Variants in RASGRF2 observed in about 807,000 individuals in gnomAD.
The protein encoded by RASGRF2 is Ras protein specific guanine nucleotide releasing factor 2.
In RASGRF2, 76 loss-of-function variants were observed where a neutral mutation model predicts 151.0. The observed-to-expected ratio is 0.50, with a 90% confidence interval of 0.42 to 0.61. The LOEUF (loss-of-function observed/expected upper bound fraction) is 0.61. Among genes scored for constraint, RASGRF2 ranks in the 20% least tolerant of loss-of-function variants. The probability of loss-of-function intolerance (pLI) is 0.00; values close to 1 mark genes in which losing one functional copy is unlikely to be tolerated. For synonymous variants in RASGRF2, 504 were observed against 566.5 expected (o/e 0.89, Z 1.57); for missense variants, 1,148 against 1,564.6 (o/e 0.73, Z 4.49).
intron 1 of RASGRF2, among the ~76,000 whole-genome samples, chr5:81,021,563 T>C (rs1170571093): frequency 1.3e-5 from 2 of 150,554 alleles, no homozygotes; most frequent in East Asian, 3.9e-4. Context: ...TGCGAGCGTG[T>C]GTGTGTGTGT....
intron 1 of RASGRF2, among the ~76,000 whole-genome samples, chr5:81,020,193 G>A (rs1213374266): frequency 6.6e-6 from 1 of 152,188 alleles, no homozygotes; most frequent in Non-Finnish European, 1.5e-5. Flanking sequence ...GTAGATAAGA[G>A]GAAGAGTCTT....
chr5:81,193,987 A>G (rs888252238), intron 18 of RASGRF2, among the ~76,000 whole-genome samples: 2 of 152,154 alleles, frequency 1.3e-5, no homozygotes, highest in African/African-American at 2.4e-5. Context: ...CATATGCAAA[A>G]TGGAAATCAT....
intron 18 of RASGRF2, among the ~76,000 whole-genome samples, chr5:81,180,566 C>G (rs992693518): frequency 2.6e-5 from 4 of 152,158 alleles, no homozygotes; most frequent in Non-Finnish European, 4.4e-5. Flanking sequence ...GGCACCTGAG[C>G]CACAACAAGG....
At chr5:81,036,820 G>A (rs1020382334) in intron 1 of RASGRF2, among the ~76,000 whole-genome samples, 1 of 152,054 alleles carries the variant, frequency 6.6e-6, no homozygotes, top group African/African-American at 2.4e-5. Context: ...CTGACCCTCT[G>A]TATTTCTATT....
chr5:81,024,787 T>C (rs1442564401), intron 1 of RASGRF2, among the ~76,000 whole-genome samples: 3 of 152,212 alleles, frequency 2.0e-5, no homozygotes, highest in African/African-American at 4.8e-5. Flanking sequence ...TGTAATACAA[T>C]AAAAAGTTCT....
At chr5:81,198,928 C>T (rs1755329560) in intron 18 of RASGRF2, among the ~76,000 whole-genome samples, 1 of 152,168 alleles carries the variant, frequency 6.6e-6, no homozygotes, top group Non-Finnish European at 1.5e-5. Context: ...GGTATATACC[C>T]AGGGATTGCT....
At chr5:80,964,148 T>C (rs1747654243) in intron 1 of RASGRF2, among the ~76,000 whole-genome samples, 1 of 152,184 alleles carries the variant, frequency 6.6e-6, no homozygotes, top group Non-Finnish European at 1.5e-5. Flanking sequence ...GATGAGTCTT[T>C]GGAGGATTGC....
At chr5:81,080,288 G>A in intron 6 of RASGRF2, 88 bp downstream of exon 6, 1 of 1,540,124 alleles carries the variant, frequency 6.5e-7, no homozygotes, top group Admixed American at 2.3e-5. Context: ...AGCCTAAACT[G>A]TTTGCATCAC....
intron 25 of RASGRF2, 41 bp downstream of exon 25, chr5:81,217,514 G>T: frequency 7.3e-7 from 1 of 1,378,414 alleles, no homozygotes; most frequent in Non-Finnish European, 9.7e-7. Context: ...AATGGCTTTA[G>T]AGGTTTATAG....
intron 23 of RASGRF2, among the ~76,000 whole-genome samples, chr5:81,215,237 TA>T (rs1320623278): frequency 2.0e-5 from 3 of 151,094 alleles, no homozygotes; most frequent in African/African-American, 7.3e-5. Flanking sequence ...TTGTCAAAAA[TA>T]ATTGACAAGC....
At chr5:81,116,620 C>T (rs1481824473) in intron 15 of RASGRF2, among the ~76,000 whole-genome samples, 4 of 152,100 alleles carry the variant, frequency 2.6e-5, no homozygotes, top group East Asian at 1.9e-4. Context: ...TATTGTTGAA[C>T]GACAGACCTC....
intron 1 of RASGRF2, among the ~76,000 whole-genome samples, chr5:81,002,700 G>C (rs1162811651): frequency 1.3e-5 from 2 of 152,080 alleles, no homozygotes; most frequent in Non-Finnish European, 2.9e-5. Flanking sequence ...CTGTCGTGCC[G>C]ATCTGGAAAT....
chr5:81,177,404 CTTAGAGA>C (rs1754800046), intron 17 of RASGRF2, among the ~76,000 whole-genome samples: 1 of 151,686 alleles, frequency 6.6e-6, no homozygotes, highest in Non-Finnish European at 1.5e-5. Flanking sequence ...CCTTTAGAAA[CTTAGAGA>C]TTTTTTTTTT....
intron 1 of RASGRF2, among the ~76,000 whole-genome samples, chr5:81,024,305 C>A (rs978452966): frequency 2.4e-5 from 3 of 124,844 alleles, no homozygotes; most frequent in Admixed American, 1.8e-4. Flanking sequence ...TGTTGCCCAG[C>A]CTGGAATGCA....
intron 1 of RASGRF2, among the ~76,000 whole-genome samples, chr5:81,035,648 G>C (rs1750463437): frequency 6.6e-6 from 1 of 151,828 alleles, no homozygotes; most frequent in South Asian, 2.1e-4. Context: ...TTAATAGACT[G>C]GCTAAGTTTA....
chr5:81,130,660 G>C (rs1482368060), intron 17 of RASGRF2, among the ~76,000 whole-genome samples: 1 of 152,170 alleles, frequency 6.6e-6, no homozygotes, highest in Non-Finnish European at 1.5e-5. Context: ...CAAAGGAAGA[G>C]AGTGCTGGAT....
chr5:81,028,660 A>G (rs1750124363), intron 1 of RASGRF2, among the ~76,000 whole-genome samples: 1 of 152,220 alleles, frequency 6.6e-6, no homozygotes, highest in Admixed American at 6.5e-5. Flanking sequence ...AAAATTTGCT[A>G]TTAAAATAAA....
At chr5:81,182,385 C>T (rs1754935932) in intron 18 of RASGRF2, among the ~76,000 whole-genome samples, 2 of 152,184 alleles carry the variant, frequency 1.3e-5, no homozygotes, top group South Asian at 4.1e-4. Flanking sequence ...CCTGGTGCAA[C>T]CTTGTCATGT....
intron 18 of RASGRF2, among the ~76,000 whole-genome samples, chr5:81,194,248 T>A (rs1755212690): frequency 6.6e-6 from 1 of 151,562 alleles, no homozygotes; most frequent in Admixed American, 6.6e-5. Flanking sequence ...CCCAGCTACT[T>A]GGGAGGCCGA....
Sources: allele counts gnomAD v4.1 joint callset (sites outside exome capture counted in the v4.1 genomes callset), GRCh38; gene constraint gnomAD v4.1.1; transcripts MANE v1.5; gene names NCBI Gene and HGNC (gene_info 2026-07-23, HGNC 2026-07-21).